BIRC6: variants seen among roughly 807,000 people sequenced by gnomAD.
BIRC6 encodes baculoviral IAP repeat containing 6.
A neutral mutation model predicts 503.3 loss-of-function variants in BIRC6; 98 were observed. The observed-to-expected ratio is 0.19, with a 90% CI of 0.17 to 0.23. BIRC6 has a LOEUF of 0.23. Among genes scored for constraint, BIRC6 ranks in the 10% least tolerant of loss-of-function variants. The probability of loss-of-function intolerance (pLI) is 1.00; values close to 1 mark genes in which losing one functional copy is unlikely to be tolerated. For synonymous variants in BIRC6, 2,240 were observed against 2,078.7 expected (o/e 1.08, Z -2.11); for missense variants, 5,360 against 5,806.0 (o/e 0.92, Z 2.50).
intron 47 of BIRC6, 115 bp downstream of exon 47, chr2:32,502,003 G>A (rs1403347501): frequency 5.6e-6 from 6 of 1,079,640 alleles, no homozygotes; most frequent in East Asian, 2.6e-5. Context: ...ACAATGAAAA[G>A]CATCAGTACA....
Position 32,512,974 on chromosome 2 carries a change from T to C in BIRC6, c.10388T>C (p.Val3463Ala), listed in dbSNP as rs2054593951. The C allele has an allele frequency of 1.9e-6, 3 of 1,613,820 alleles. No homozygotes were observed. Among genetic ancestry groups the C allele is most frequent in the African/African-American group, 2.7e-5 (2 of 74,922 alleles). The stretch of plus-strand genomic sequence containing the variant: ...AAATGGGTTAGTGATTCTGCAAGAG[T>C]GGCTGCTATGAAGAGAAGTGGCAGG... ...LLKWVSDSAR[V>A]AAMKRSGRMN... Residue 3463 changes from valine to alanine, a missense_variant, in exon 54 of 74, where the codon GTG (valine) becomes GCG (alanine). Val to Ala is a moderately conservative substitution (Grantham distance 64). This residue lies in a region of BIRC6 where 878 missense variants were observed against 928.9 expected (regional missense o/e 0.95). Transcript: ENST00000421745.
At chr2:32,607,981 A>AG (rs2062584648) in intron 72 of BIRC6, among the ~76,000 whole-genome samples, 1 of 148,272 alleles carries the variant, frequency 6.7e-6, no homozygotes, top group South Asian at 2.1e-4. Context: ...TCTCCAAAAA[A>AG]AAAAAAAAAA....
chr2:32,580,662 T>C (rs535040696), intron 66 of BIRC6, among the ~76,000 whole-genome samples: 3 of 152,260 alleles, frequency 2.0e-5, no homozygotes, highest in Non-Finnish European at 2.9e-5. Flanking sequence ...TCAGGTGTAG[T>C]TGAATGGTTG....
chr2:32,611,402 AT>A (rs756244643), intron 72 of BIRC6, 45 bp from the exon 73 acceptor site: 10 of 1,515,552 alleles, frequency 6.6e-6, no homozygotes. Flanking sequence ...TGTCTTTTAA[AT>A]TTGACTGTAA....
intron 26 of BIRC6, among the ~76,000 whole-genome samples, chr2:32,465,570 C>T (rs2048457186): frequency 6.6e-6 from 1 of 152,074 alleles, no homozygotes; most frequent in African/African-American, 2.4e-5. Flanking sequence ...AGAATAATAA[C>T]ATATCCTAGG....
chr2:32,438,177 A>T (rs2044951108), intron 15 of BIRC6, among the ~76,000 whole-genome samples: 1 of 152,140 alleles, frequency 6.6e-6, no homozygotes, highest in Admixed American at 6.5e-5. Context: ...ATACTAAGAT[A>T]TTTTTTTCCA....
intron 14 of BIRC6, 84 bp downstream of exon 14, chr2:32,435,669 G>A: frequency 1.4e-6 from 2 of 1,384,148 alleles, no homozygotes; most frequent in Non-Finnish European, 1.9e-6. Context: ...ATTTCCTTAT[G>A]GCTTGCAAAA....
rs372331210 is a variant in BIRC6, at chr2:32,505,072, C to T, written c.9567C>T (p.His3189=). The T allele has an allele frequency of 7.4e-6, 12 of 1,613,450 alleles. No individual in the cohort carries two copies. The African/African-American group carries it at 1.6e-4, about 22-fold the overall frequency. The change falls in exon 50 of 74, where the codon CAC becomes CAT. Residue 3189 remains histidine (H), a synonymous_variant. Coordinates refer to ENST00000421745, the MANE Select transcript of BIRC6 (RefSeq NM_016252.4). The part of the protein sequence containing the change: ...AEVLLQATPP[H]RRARSAAWSY... ...TGCTATTGCAGGCCACACCTCCTCA[C>T]AGAAGAGCTCGCTCTGCTGCTTGGT...
intron 10 of BIRC6, among the ~76,000 whole-genome samples, chr2:32,422,742 A>G (rs1330004518): frequency 6.6e-6 from 1 of 152,054 alleles, no homozygotes; most frequent in Non-Finnish European, 1.5e-5. Flanking sequence ...TTCCTCTCTT[A>G]CTATGTTTTA....
Position 32,357,176 on chromosome 2 carries a change from T to A in BIRC6, c.15T>A (p.Gly5=). The A allele has an allele frequency of 6.6e-7, 1 of 1,526,706 alleles. No homozygotes were observed. The highest frequency in any genetic ancestry group is 1.2e-5 in the South Asian group (1 of 81,612). The allele number at this position is 1,526,706 out of a possible 1,614,324, so 94.6% of individuals were successfully genotyped here. Residue 5 remains glycine, a synonymous_variant, in exon 1 of 74, where the codon GGT becomes GGA. Coordinates refer to ENST00000421745, the MANE Select transcript of BIRC6 (RefSeq NM_016252.4). This position sits in a 1 kb window ranked among gnomAD's most constrained non-coding sequence, Gnocchi z 4.9. MVTG[G]GAAPPGTVTE... ...CCTGGCCCCGGATGGTGACTGGTGG[T>A]GGTGCTGCACCTCCCGGGACTGTCA...
chr2:32,455,468 A>T (rs1245512727), intron 23 of BIRC6, among the ~76,000 whole-genome samples: 2 of 152,004 alleles, frequency 1.3e-5, no homozygotes, highest in African/African-American at 4.8e-5. Flanking sequence ...TAAAAATACA[A>T]AAAGTATTGC....
intron 45 of BIRC6, among the ~76,000 whole-genome samples, chr2:32,495,261 AT>A (rs2052303518): frequency 6.6e-6 from 1 of 152,202 alleles, no homozygotes; most frequent in Non-Finnish European, 1.5e-5. Flanking sequence ...AAGCAGAGAT[AT>A]TTTGAGGTTT....
In BIRC6 at chr2:32,447,706, A is replaced by AC. The variant is rs202066830; in HGVS notation, c.4485-1081dup. The stretch of plus-strand genomic sequence containing the variant: ...GGGCGGCTGGCCGGGCGGGGGGCTG[A>AC]CCCCCCCCACCTCCCTCCTGGTCGG... On this transcript the variant is annotated intron_variant, in intron 21 of 73. Transcript: ENST00000421745. 3.6e-3 allele frequency among the ~76,000 whole-genome samples: 179 copies of AC among 49,430 alleles called. 3 individuals carry two copies. Among genetic ancestry groups the AC allele is most frequent in the African/African-American group, 0.015 (170 of 11,422 alleles). 32.4% of individuals were successfully genotyped at this position (49,430 alleles called of 152,430 possible).
chr2:32,529,891 A>G (rs2056586523), intron 60 of BIRC6, 67 bp downstream of exon 60: 1 of 1,025,668 alleles, frequency 9.7e-7, no homozygotes, highest in Non-Finnish European at 1.3e-6. Context: ...TTCTATAGCT[A>G]ATGACTTAAT....
chr2:32,593,833 A>G lies in BIRC6; in HGVS notation c.13356-82A>G, dbSNP rs542102941. ...TGTGACAAATGAAATGCACACACTC[A>G]TTTGTATATTGATTTATGGAGGTGT... On this transcript the variant is annotated intron_variant, in intron 66 of 73. Transcript: ENST00000421745. The G allele has an allele frequency of 1.3e-5, 16 of 1,226,986 alleles. No homozygotes were observed. In the African/African-American group the frequency reaches 2.3e-4, roughly 17 times the overall value. The allele number at this position is 1,226,986 out of a possible 1,614,324, so 76.0% of individuals were successfully genotyped here. A position where few individuals can be genotyped will look rare whatever the true frequency, so the allele number is the denominator to read the frequency against.
chr2:32,602,680 T>G (rs994956213), intron 70 of BIRC6: 1 of 236,520 alleles, frequency 4.2e-6, no homozygotes, highest in Non-Finnish European at 8.1e-6. Flanking sequence ...AATACCACAC[T>G]ATACCCCATA....
At chr2:32,377,296 A>T (rs1315494231) in intron 1 of BIRC6, among the ~76,000 whole-genome samples, 4 of 150,760 alleles carry the variant, frequency 2.7e-5, no homozygotes, top group Admixed American at 6.6e-5. Flanking sequence ...TGCATATATC[A>T]TGCTCATTTT....
chr2:32,499,976 C>G lies in BIRC6; in HGVS notation c.8898C>G (p.Gly2966=). 1 of 1,613,918 alleles carries G rather than the reference C, an allele frequency of 6.2e-7. No homozygotes were observed. The highest frequency in any genetic ancestry group is 8.5e-7 in the Non-Finnish European group (1 of 1,179,868). The stretch of plus-strand genomic sequence containing the variant: ...AAAAAGTCTCAGGAGGCAAAGATGG[C>G]AATGGAAGCAGTACCAGTGTTCAAG... ...DEEKVSGGKD[G]NGSSTSVQGS... is the part of the protein sequence containing the mutation. Residue 2966 remains glycine, a synonymous_variant, in exon 46 of 74, where the codon GGC becomes GGG. Coordinates refer to ENST00000421745, the MANE Select transcript of BIRC6 (RefSeq NM_016252.4).
In BIRC6 at chr2:32,415,376, A is replaced by G; in HGVS notation, c.2085A>G (p.Ala695=). 6.2e-7 allele frequency: 1 copy of G among 1,614,058 alleles called. No individual in the cohort carries two copies. Among genetic ancestry groups the G allele is most frequent in the Non-Finnish European group, 8.5e-7 (1 of 1,179,896 alleles). The change falls in exon 10 of 74, where the codon GCA becomes GCG. Residue 695 remains alanine (A), a synonymous_variant. Transcript: ENST00000421745. ...VTYIQQFADA[A]ANLTSPDSEK... Reference sequence around the variant, plus strand: ...ACATTCAGCAATTTGCAGATGCAGCAGCCAACCTTACCTCTCCGGATTCTG... The same window carrying G: ...ACATTCAGCAATTTGCAGATGCAGCGGCCAACCTTACCTCTCCGGATTCTG...
Sources: allele counts gnomAD v4.1 joint callset (sites outside exome capture counted in the v4.1 genomes callset), GRCh38; gene constraint gnomAD v4.1.1; regional missense constraint gnomAD v4.1.1; non-coding constraint Gnocchi (gnomAD v3.1); transcripts MANE v1.5; gene names NCBI Gene and HGNC (gene_info 2026-07-23, HGNC 2026-07-21).